ADAM33: variants seen among roughly 807,000 people sequenced by gnomAD.
ADAM33 encodes disintegrin and metalloproteinase domain-containing protein 33.
Under a neutral mutation model 106.2 loss-of-function variants are expected in ADAM33, and 103 were observed. The ratio of observed to expected loss-of-function variants is 0.97; its 90% confidence interval spans 0.83 to 1.14. The LOEUF (loss-of-function observed/expected upper bound fraction) is 1.14, where lower values mean the gene tolerates loss of function less well. Ranked by LOEUF, ADAM33 falls within the 50% of genes most tolerant of loss-of-function variation. The pLI, the probability that ADAM33 is intolerant of heterozygous loss-of-function variation, is 0.00. For missense variants in ADAM33, 1,120 were observed against 1,096.6 expected, an observed-to-expected ratio of 1.02 and a Z score of -0.30; for synonymous variants, 483 against 453.0, an observed-to-expected ratio of 1.07 and a Z score of -0.84.
At chr20:3,681,779 C>G (rs2088520737) in intron 1 of ADAM33, 129 bp downstream of exon 1, 3 of 1,358,432 alleles carry the variant, frequency 2.2e-6, no homozygotes, top group Admixed American at 3.1e-5. Context: ...ACGCCCTGAC[C>G]TACTGGCCGT....
Position 3,678,468 on chromosome 20 carries a change from G to A in ADAM33, c.177+1024C>T, listed in dbSNP as rs144825764. Among the ~76,000 whole-genome samples, 1,099 of 152,322 alleles carry A rather than the reference G, an allele frequency of 7.2e-3. 13 individuals carry two copies. The highest frequency in any genetic ancestry group is 0.025 in the African/African-American group (1,053 of 41,584). On this transcript the variant is annotated intron_variant, in intron 2 of 21. Coordinates refer to ENST00000356518, the MANE Select transcript of ADAM33 (RefSeq NM_025220.5). ...TCCAGCCTTCCCCTCCTGGGGATGG[G>A]GAGGGCAATCTCAAAGCTCAGGCCA... is the stretch of plus-strand genomic sequence containing the variant.
At position 3,672,821 on chromosome 20, in the gene ADAM33, C is replaced by T; in HGVS notation, c.1211G>A (p.Cys404Tyr). 1.9e-6 allele frequency: 3 copies of T among 1,574,732 alleles called. No individual in the cohort carries two copies. The highest frequency in any genetic ancestry group is 1.1e-5 in the South Asian group (1 of 87,970). Residue 404 changes from cysteine to tyrosine, a missense_variant, in exon 12 of 22, where the codon TGC becomes TAC. By Grantham distance (194) the Cys-to-Tyr change is radical (BLOSUM62 -2). Coordinates refer to ENST00000356518, the MANE Select transcript of ADAM33 (RefSeq NM_025220.5). Reference protein sequence around the residue: ...RAFFRKGGGACLSNAPDPGLP... With the variant: ...RAFFRKGGGAYLSNAPDPGLP... ...TCCGGGGTCCGGGGCATTGGAGAGG[C>T]AAGCGCCGCCCCCCTTGCGGAAGAA...
intron 2 of ADAM33, 77 bp downstream of exon 2, chr20:3,679,415 A>G: frequency 6.8e-7 from 1 of 1,460,906 alleles, no homozygotes; most frequent in South Asian, 1.2e-5. Flanking sequence ...GCAAAACTAG[A>G]AGCTGTAATG....
rs777252478 is a variant in ADAM33, at chr20:3,672,622, C to T, written c.1316G>A (p.Cys439Tyr). The change falls in exon 13 of 22, where the codon TGC becomes TAC. Residue 439 changes from cysteine to tyrosine, a missense_variant. By Grantham distance (194) the Cys-to-Tyr change is radical. Coordinates refer to ENST00000356518, the MANE Select transcript of ADAM33 (RefSeq NM_025220.5). ...EECDCGPGQE[C>Y]RDLCCFAHNC... ...GTGAGCAAAGCAGCAGAGGTCGCGG[C>T]ACTCCTGGGACCAGAAAGGCAAGAA... is the stretch of plus-strand genomic sequence containing the variant. The T allele has an allele frequency of 1.5e-5, 24 of 1,613,338 alleles. No homozygotes were observed. The highest frequency in any genetic ancestry group is 1.9e-5 in the Non-Finnish European group (23 of 1,179,884).
intron 3 of ADAM33, 49 bp downstream of exon 3, chr20:3,677,018 C>G (rs76448267): frequency 6.3e-7 from 1 of 1,591,362 alleles, no homozygotes; most frequent in Non-Finnish European, 8.6e-7. Context: ...AGTCCCTGCC[C>G]CCCAACACTG....
intron 6 of ADAM33, 105 bp downstream of exon 6, chr20:3,674,399 C>T (rs2087797091): frequency 1.2e-6 from 2 of 1,601,346 alleles, no homozygotes; most frequent in Admixed American, 1.7e-5. Context: ...TTTCTTCAGA[C>T]TTCAATAAAA....
rs377481312 is a variant in ADAM33, at chr20:3,673,842, G to A, written c.808C>T (p.Arg270Cys). 4 of 1,567,278 alleles carry A rather than the reference G, an allele frequency of 2.6e-6. No homozygotes were observed. Among genetic ancestry groups the A allele is most frequent in the African/African-American group, 2.7e-5 (2 of 74,338 alleles). Residue 270 changes from arginine to cysteine, a missense_variant, in exon 9 of 22, where the codon CGC becomes TGC. Arg to Cys is a radical substitution (Grantham distance 180). Coordinates refer to ENST00000356518, the MANE Select transcript of ADAM33 (RefSeq NM_025220.5). ...LEVWTERDRS[R>C]VTQDANATLW... ...GTGGCGTTGGCGTCCTGCGTGACGC[G>A]GCTGCGGTCCCGCTCGGTCCACACC...
Position 3,671,076 on chromosome 20 carries a change from A to C in ADAM33, c.2170T>G (p.Cys724Gly). Reference protein sequence around the residue: ...LLPGAGLAWCCYRLPGAHLQR... With the variant: ...LLPGAGLAWCGYRLPGAHLQR... ...AGATGGGCTCCTGGGAGTCGGTAGCAACACCAGGCCAGGCCGGCCCCTGGG... is the reference window on the plus strand; with the variant it reads ...AGATGGGCTCCTGGGAGTCGGTAGCCACACCAGGCCAGGCCGGCCCCTGGG... Residue 724 changes from cysteine to glycine, a missense_variant, in exon 19 of 22, where the codon TGC becomes GGC. Physicochemically the swap from Cys to Gly is radical, Grantham distance 159. Coordinates refer to ENST00000356518, the MANE Select transcript of ADAM33 (RefSeq NM_025220.5). The C allele has an allele frequency of 6.3e-7, 1 of 1,579,808 alleles. No homozygotes were observed. The highest frequency in any genetic ancestry group is 8.6e-7 in the Non-Finnish European group (1 of 1,162,904).
At chr20:3,676,187 G>T (rs7265488) in intron 3 of ADAM33, among the ~76,000 whole-genome samples, 2,548 of 151,774 alleles carry the variant, frequency 0.017, 79 homozygotes, top group African/African-American at 0.059. Flanking sequence ...CCAGCCCAAG[G>T]CACCTTCCTG....
At chr20:3,674,397 G>A in intron 6 of ADAM33, 107 bp downstream of exon 6, 2 of 1,600,886 alleles carry the variant, frequency 1.2e-6, no homozygotes, top group South Asian at 1.1e-5. Context: ...TGTTTCTTCA[G>A]ACTTCAATAA....
Position 3,672,769 on chromosome 20 carries a change from C to T in ADAM33, c.1263G>A (p.Gly421=). Residue 421 remains glycine, a synonymous_variant, in exon 12 of 22, where the codon GGG becomes GGA. Coordinates refer to ENST00000356518, the MANE Select transcript of ADAM33 (RefSeq NM_025220.5). The stretch of plus-strand genomic sequence containing the variant: ...CCTCGCCCGCTTCCACGAAGCCGTT[C>T]CCGCAGAGCGCCGGCGGCACCGGGA... ...PGLPVPPALC[G]NGFVEAGEEC... 1.3e-6 allele frequency: 2 copies of T among 1,569,666 alleles called. No individual in the cohort carries two copies. Among genetic ancestry groups the T allele is most frequent in the East Asian group, 2.3e-5 (1 of 43,664 alleles).
rs769307364 is a variant in ADAM33, at chr20:3,673,461, G to A, written c.1026C>T (p.Thr342=). The A allele has an allele frequency of 1.9e-6, 3 of 1,554,232 alleles. No homozygotes were observed. Among genetic ancestry groups the A allele is most frequent in the Non-Finnish European group, 2.6e-6 (3 of 1,156,930 alleles). Residue 342 remains threonine, a synonymous_variant, in exon 11 of 22, where the codon ACC becomes ACT. Coordinates refer to ENST00000356518, the MANE Select transcript of ADAM33 (RefSeq NM_025220.5). ...HSELPIGAAA[T]MAHEIGHSLG... Reference sequence around the variant, plus strand: ...GGCTGTGGCCGATCTCATGGGCCATGGTGGCTGCGGCGCCGATGGGGAGCT... The same window carrying A: ...GGCTGTGGCCGATCTCATGGGCCATAGTGGCTGCGGCGCCGATGGGGAGCT...
rs760783591 is a variant in ADAM33, at chr20:3,673,393, G to A, written c.1094C>T (p.Ala365Val). 2.6e-6 allele frequency: 4 copies of A among 1,546,144 alleles called. No individual in the cohort carries two copies. The Admixed American group carries it at 5.7e-5, about 22-fold the overall frequency. The change falls in exon 11 of 22, where the codon GCG (alanine) becomes GTG (valine). Residue 365 changes from alanine to valine, a missense_variant. Physicochemically the swap from Ala to Val is moderately conservative, Grantham distance 64 (BLOSUM62 0). Transcript: ENST00000356518. ...HDPDGCCVEAAAESGGCVMAA... is the reference protein window; with the variant it reads ...HDPDGCCVEAVAESGGCVMAA... ...CATGACGCAGCCTCCGGACTCGGCC[G>A]CAGCCTCCACGCAGCAGCCGTCGGG...
intron 1 of ADAM33, among the ~76,000 whole-genome samples, chr20:3,680,074 G>C (rs921103526): frequency 1.3e-5 from 2 of 152,144 alleles, no homozygotes; most frequent in African/African-American, 4.8e-5. Context: ...ACTCTGTCCT[G>C]GTGGCAGGGT....
At position 3,671,994 on chromosome 20, in the gene ADAM33, G is replaced by T. The variant is rs1405618204; in HGVS notation, c.1598-9C>A. ...GGGAGCTGGGTGGGAGCCTGAGGAA[G>T]CATGGGCCAGGCTGGGGGCAGCTCG... On this transcript the variant is annotated splice_polypyrimidine_tract_variant and intron_variant, in intron 14 of 21. Transcript: ENST00000356518. 29 of 1,554,066 alleles carry T rather than the reference G, an allele frequency of 1.9e-5. No homozygotes were observed. The highest frequency in any genetic ancestry group is 2.4e-5 in the Non-Finnish European group (28 of 1,148,840).
At position 3,672,164 on chromosome 20, in the gene ADAM33, C is replaced by T; in HGVS notation, c.1567G>A (p.Glu523Lys). The T allele has an allele frequency of 6.2e-7, 1 of 1,612,730 alleles. No homozygotes were observed. The highest frequency in any genetic ancestry group is 1.1e-5 in the South Asian group (1 of 91,040). The change falls in exon 14 of 22, where the codon GAG (glutamate) becomes AAG (lysine). Residue 523 changes from glutamate (E) to lysine (K), a missense_variant. Coordinates refer to ENST00000356518, the MANE Select transcript of ADAM33 (RefSeq NM_025220.5). ...YCWDGACPTL[E>K]QQCQQLWGPG... is the part of the protein sequence containing the mutation. Reference sequence around the variant, plus strand: ...CCCCAGAGCTGCTGGCACTGCTGCTCCAGCGTGGGACATGCGCCATCCCAG... The same window carrying T: ...CCCCAGAGCTGCTGGCACTGCTGCTTCAGCGTGGGACATGCGCCATCCCAG...
intron 21 of ADAM33, 140 bp downstream of exon 21, chr20:3,669,159 T>C: frequency 8.3e-7 from 1 of 1,199,586 alleles, no homozygotes; most frequent in Non-Finnish European, 1.2e-6. Flanking sequence ...CTGGTCTGCA[T>C]GATAACCAAG....
chr20:3,675,047 C>T lies in ADAM33; in HGVS notation c.313G>A (p.Val105Met). ...THYGPDGQPVVLAPNHTDHCH... is the reference protein window; with the variant it reads ...THYGPDGQPVMLAPNHTDHCH... ...CTCACCGTGTGGTTGGGGGCCAGCA[C>T]CACTGGCTGCCCATCTGGGCCGTAG... The change falls in exon 4 of 22, where the codon GTG (valine) becomes ATG (methionine). Residue 105 changes from valine (V) to methionine (M), a missense_variant. Physicochemically the swap from Val to Met is conservative, Grantham distance 21 (BLOSUM62 1). Transcript: ENST00000356518. The surrounding 1 kb of genome is among the most constrained non-coding windows in gnomAD (Gnocchi z 4.1). 1 of 1,613,404 alleles carries T rather than the reference C, an allele frequency of 6.2e-7. No homozygotes were observed. Among genetic ancestry groups the T allele is most frequent in the African/African-American group, 1.3e-5 (1 of 75,030 alleles).
In ADAM33 at chr20:3,671,013, A is replaced by G; in HGVS notation, c.2233T>C (p.Cys745Arg). ...CAGGCGCTCGGAGCCTACCCACTGC[A>G]CGCAGGGTCCCTTCTGCAGCCCCAG... is the stretch of plus-strand genomic sequence containing the variant. ...CSWGCRRDPA[C>R]SGPKDGPHRD... Residue 745 changes from cysteine (C) to arginine (R), a missense_variant, in exon 19 of 22, where the codon TGC becomes CGC. Cys to Arg is a radical substitution (Grantham distance 180, BLOSUM62 -3). Coordinates refer to ENST00000356518, the MANE Select transcript of ADAM33 (RefSeq NM_025220.5). 2 of 1,548,734 alleles carry G rather than the reference A, an allele frequency of 1.3e-6. No homozygotes were observed. Among genetic ancestry groups the G allele is most frequent in the Non-Finnish European group, 1.7e-6 (2 of 1,147,082 alleles).
Sources: gnomAD v4.1 joint callset for allele counts (sites outside exome capture counted in the v4.1 genomes callset) on GRCh38, gnomAD v4.1.1 for gene constraint, Gnocchi (gnomAD v3.1) non-coding constraint, MANE v1.5 for transcripts, NCBI Gene and HGNC (gene_info 2026-07-23, HGNC 2026-07-21) for gene names.